The following EPB41L4B variants were observed in gnomAD, a reference collection of about 807,000 sequenced individuals.
The protein encoded by EPB41L4B is erythrocyte membrane protein band 4.1 like 4B.
EPB41L4B carries 30 observed loss-of-function variants against 112.5 expected under a neutral mutation model. The ratio of observed to expected loss-of-function variants is 0.27; its 90% CI spans 0.20 to 0.36. EPB41L4B has a LOEUF of 0.36. Among genes scored for constraint, EPB41L4B ranks in the 10% least tolerant of loss-of-function variants. The pLI, the probability that EPB41L4B is intolerant of heterozygous loss-of-function variation, is 1.00. For missense variants in EPB41L4B, 1,024 were observed against 1,133.3 expected (o/e 0.90, Z 1.38); for synonymous variants, 408 against 439.7 (o/e 0.93, Z 0.90).
chr9:109,194,361 T>C lies in EPB41L4B; in HGVS notation c.2082A>G (p.Ala694=), dbSNP rs368481965. ...EDDLPPDLAE[A]VGVTTSTTTN... The stretch of plus-strand genomic sequence containing the variant: ...TGGTTGTAGATGTGGTCACTCCCAC[T>C]GCCTCGGCCAGGTCTGGAGGGAGGT... The change falls in exon 21 of 26, where the codon GCA becomes GCG. Residue 694 remains alanine, a synonymous_variant. Transcript: ENST00000374566. 1 of 1,614,200 alleles carries C rather than the reference T, an allele frequency of 6.2e-7. No homozygotes were observed. Among genetic ancestry groups the C allele is most frequent in the African/African-American group, 1.3e-5 (1 of 75,056 alleles).
At chr9:109,175,997 T>C (rs1284809314) in intron 25 of EPB41L4B, among the ~76,000 whole-genome samples, 1 of 141,986 alleles carries the variant, frequency 7.0e-6, no homozygotes, top group Non-Finnish European at 1.6e-5. Context: ...GGATACCTTA[T>C]TGCCATTCAC....
chr9:109,242,393 G>C (rs2118964709), intron 15 of EPB41L4B, among the ~76,000 whole-genome samples: 1 of 152,352 alleles, frequency 6.6e-6, no homozygotes, highest in Non-Finnish European at 1.5e-5. Flanking sequence ...CCTGCTTCTA[G>C]GCCATGCCTC....
intron 19 of EPB41L4B, 42 bp from the exon 20 acceptor site, chr9:109,200,376 G>C (rs1268342637): frequency 1.3e-6 from 2 of 1,506,918 alleles, no homozygotes; most frequent in Admixed American, 3.4e-5. Flanking sequence ...ATCAAAAAAG[G>C]TTTATGGTCT....
At chr9:109,290,955 T>TA (rs1275818800) in intron 1 of EPB41L4B, among the ~76,000 whole-genome samples, 1 of 152,206 alleles carries the variant, frequency 6.6e-6, no homozygotes, top group Non-Finnish European at 1.5e-5. Flanking sequence ...CAGCAAGATT[T>TA]GGTGACTCAA....
At chr9:109,187,839 G>A (rs914412027) in intron 22 of EPB41L4B, among the ~76,000 whole-genome samples, 9 of 152,176 alleles carry the variant, frequency 5.9e-5, no homozygotes, top group South Asian at 2.1e-4. Context: ...TTTGACTTTC[G>A]TGGTAAAGAA....
At chr9:109,314,636 C>CT (rs1554766777) in intron 1 of EPB41L4B, among the ~76,000 whole-genome samples, 1 of 127,032 alleles carries the variant, frequency 7.9e-6, no homozygotes, top group Non-Finnish European at 1.6e-5. Context: ...CCTCTCTCAC[C>CT]CCCCCCCACC....
At chr9:109,234,964 T>G (rs1834088438) in intron 15 of EPB41L4B, among the ~76,000 whole-genome samples, 1 of 152,202 alleles carries the variant, frequency 6.6e-6, no homozygotes, top group South Asian at 2.1e-4. Flanking sequence ...CTTCCTCCAA[T>G]TCGTCTAAGA....
At position 109,265,092 on chromosome 9, in the gene EPB41L4B, C is replaced by T. The variant is rs1835351653; in HGVS notation, c.534-68G>A. 17 of 1,280,888 alleles carry T rather than the reference C, an allele frequency of 1.3e-5. No homozygotes were observed. The East Asian group carries it at 3.8e-4, about 29-fold the overall frequency. 79.3% of individuals were successfully genotyped at this position (1,280,888 alleles called of 1,614,324 possible). On this transcript the variant is annotated intron_variant, in intron 4 of 25. Transcript: ENST00000374566. The stretch of plus-strand genomic sequence containing the variant: ...CAGCTGCTCCCAATCCCCAGCTTCC[C>T]ACTGCAAACCCCACCCCACACACAG...
intron 14 of EPB41L4B, among the ~76,000 whole-genome samples, chr9:109,246,626 G>C (rs1041081837): frequency 6.6e-6 from 1 of 152,240 alleles, no homozygotes; most frequent in Non-Finnish European, 1.5e-5. Context: ...GAAATAAATA[G>C]AGAAGTTGGA....
chr9:109,241,899 G>A (rs1011131028), intron 15 of EPB41L4B: 27 of 1,336,644 alleles, frequency 2.0e-5, no homozygotes, highest in Non-Finnish European at 2.7e-5. Context: ...AGGAAATGGG[G>A]CAGGGGGAAC....
intron 15 of EPB41L4B, among the ~76,000 whole-genome samples, chr9:109,228,868 C>G (rs1474789675): frequency 6.6e-6 from 1 of 152,156 alleles, no homozygotes; most frequent in African/African-American, 2.4e-5. Flanking sequence ...CTGAGAGGCT[C>G]ATAAAGCCTT....
At chr9:109,209,544 C>A (rs1487681718) in intron 17 of EPB41L4B, among the ~76,000 whole-genome samples, 5 of 151,618 alleles carry the variant, frequency 3.3e-5, no homozygotes, top group African/African-American at 1.2e-4. Flanking sequence ...ACCTATAATT[C>A]CAGCTACTCG....
intron 15 of EPB41L4B, among the ~76,000 whole-genome samples, chr9:109,217,575 C>A (rs16914016): frequency 0.06 from 9,104 of 152,166 alleles, 275 homozygotes; most frequent in Middle Eastern, 0.071. Flanking sequence ...ATCAGTGCTG[C>A]AACATCTTTT....
At chr9:109,287,927 G>C (rs747364526) in intron 1 of EPB41L4B, among the ~76,000 whole-genome samples, 3 of 152,258 alleles carry the variant, frequency 2.0e-5, no homozygotes, top group African/African-American at 2.4e-5. Context: ...GGCCAGCTTC[G>C]GGAAGGCCTC....
intron 1 of EPB41L4B, among the ~76,000 whole-genome samples, chr9:109,310,454 G>A (rs1837377591): frequency 1.3e-5 from 2 of 152,142 alleles, no homozygotes; most frequent in African/African-American, 4.8e-5. Context: ...TGTTCATTGT[G>A]TTATTTCTCT....
chr9:109,193,917 C>G (rs1832551708), intron 21 of EPB41L4B, among the ~76,000 whole-genome samples: 1 of 152,170 alleles, frequency 6.6e-6, no homozygotes, highest in South Asian at 2.1e-4. Context: ...TCTATCTTTA[C>G]AGTGGACTAA....
chr9:109,298,375 G>A (rs566322289), intron 1 of EPB41L4B, among the ~76,000 whole-genome samples: 13 of 150,638 alleles, frequency 8.6e-5, no homozygotes, highest in African/African-American at 2.2e-4. Context: ...GTGCAGTGGC[G>A]CAATCTCGGC....
chr9:109,272,050 T>C (rs143959614), intron 2 of EPB41L4B, among the ~76,000 whole-genome samples: 1 of 152,148 alleles, frequency 6.6e-6, no homozygotes, highest in East Asian at 1.9e-4. Context: ...AGCTCAGGAG[T>C]TGAAGAGCAT....
intron 1 of EPB41L4B, among the ~76,000 whole-genome samples, chr9:109,316,678 T>A (rs908752889): frequency 3.3e-5 from 5 of 152,228 alleles, no homozygotes; most frequent in Non-Finnish European, 7.3e-5. Flanking sequence ...CAAGGGCTCA[T>A]CTGGAAGTTG....
Sources: allele counts gnomAD v4.1 joint callset (sites outside exome capture counted in the v4.1 genomes callset), GRCh38; gene constraint gnomAD v4.1.1; transcripts MANE v1.5; gene names NCBI Gene and HGNC (gene_info 2026-07-23, HGNC 2026-07-21).